The following KDM1B variants were observed in gnomAD, a reference collection of about 807,000 sequenced individuals.
The protein encoded by KDM1B is lysine-specific histone demethylase 2.
KDM1B carries 63 observed loss-of-function variants against 107.4 expected under a neutral mutation model. The observed-to-expected ratio is 0.59, with a 90% CI of 0.48 to 0.72. The LOEUF (loss-of-function observed/expected upper bound fraction) is 0.72, where lower values mean the gene tolerates loss of function less well. KDM1B is among the 30% of genes least tolerant of loss of function. The probability of loss-of-function intolerance (pLI) is 0.00; values close to 1 mark genes in which losing one functional copy is unlikely to be tolerated. For synonymous variants in KDM1B, 363 were observed against 363.9 expected (o/e 1.00, Z 0.03); for missense variants, 749 against 1,020.8 (o/e 0.73, Z 3.63).
chr6:18,192,121 G>A (rs1463005249), intron 10 of KDM1B, among the ~76,000 whole-genome samples: 2 of 152,032 alleles, frequency 1.3e-5, no homozygotes, highest in Non-Finnish European at 2.9e-5. Context: ...AATTAGCCAT[G>A]TGTGGTGGCA....
At chr6:18,164,486 T>A (rs1785166435) in intron 5 of KDM1B, among the ~76,000 whole-genome samples, 1 of 152,176 alleles carries the variant, frequency 6.6e-6, no homozygotes. Context: ...CATCTAACAT[T>A]GTTGTGGATT....
chr6:18,168,995 C>G (rs1785490407), intron 6 of KDM1B, among the ~76,000 whole-genome samples: 2 of 151,936 alleles, frequency 1.3e-5, no homozygotes, highest in South Asian at 4.1e-4. Context: ...CCTCTGCCAC[C>G]TGAGCAGCTG....
At chr6:18,192,355 T>A (rs1787333886) in intron 10 of KDM1B, among the ~76,000 whole-genome samples, 1 of 152,200 alleles carries the variant, frequency 6.6e-6, no homozygotes, top group African/African-American at 2.4e-5. Context: ...CAGAACATTG[T>A]GCAAGACTGC....
At chr6:18,164,844 C>G (rs928920473) in intron 5 of KDM1B, among the ~76,000 whole-genome samples, 2 of 151,962 alleles carry the variant, frequency 1.3e-5, no homozygotes, top group Non-Finnish European at 2.9e-5. Flanking sequence ...CTGGGTTTCC[C>G]CATGTTGGCC....
At chr6:18,219,612 T>G (rs1789521392) in intron 21 of KDM1B, among the ~76,000 whole-genome samples, 1 of 152,216 alleles carries the variant, frequency 6.6e-6, no homozygotes. Context: ...GCTTTTATGC[T>G]CCCTCCCTCC....
rs943281626 is a variant in KDM1B at position 18,213,452 on chromosome 6, C to G, written c.1984-204C>G. Among the ~76,000 whole-genome samples the G allele has an allele frequency of 6.6e-6, 1 of 150,906 alleles. No homozygotes were observed. Among genetic ancestry groups the G allele is most frequent in the African/African-American group, 2.4e-5 (1 of 41,068 alleles). ...ACTCCGTCTCAAAAAAAAAAAAAAC[C>G]CAAAAAACAAAACAAAACAAAAAAC... On this transcript the variant is annotated intron_variant, in intron 18 of 21. Transcript: ENST00000650836. The surrounding 1 kb of genome is among the most constrained non-coding windows in gnomAD (Gnocchi z 5.9).
intron 7 of KDM1B, among the ~76,000 whole-genome samples, chr6:18,171,729 T>A (rs1001289598): frequency 6.6e-6 from 1 of 152,076 alleles, no homozygotes; most frequent in Admixed American, 6.6e-5. Context: ...CCCAAGGAAA[T>A]CTCTTTGTAG....
Position 18,200,361 on chromosome 6 carries a change from C to T in KDM1B, c.1222-78C>T. 7.5e-7 allele frequency: 1 copy of T among 1,340,404 alleles called. No individual in the cohort carries two copies. Among genetic ancestry groups the T allele is most frequent in the African/African-American group, 1.5e-5 (1 of 68,176 alleles). The allele number at this position is 1,340,404 out of a possible 1,614,324, so 83.0% of individuals were successfully genotyped here. A position where few individuals can be genotyped will look rare whatever the true frequency, so the allele number is the denominator to read the frequency against. On this transcript the variant is annotated intron_variant, in intron 12 of 21. Transcript: ENST00000650836. The surrounding 1 kb of genome is among the most constrained non-coding windows in gnomAD (Gnocchi z 4.3). ...AAATATAGAGGCTATTTAACAGTGT[C>T]CTTCTACATTTTTATAATACTGTGT... is the stretch of plus-strand genomic sequence containing the variant.
chr6:18,202,336 G>T (rs1788090400), intron 14 of KDM1B, among the ~76,000 whole-genome samples: 1 of 151,796 alleles, frequency 6.6e-6, no homozygotes, highest in South Asian at 2.1e-4. Context: ...GGAGGTTAAG[G>T]TTCCAGTGAG....
intron 7 of KDM1B, among the ~76,000 whole-genome samples, chr6:18,183,447 A>G (rs775967999): frequency 6.6e-6 from 1 of 151,486 alleles, no homozygotes; most frequent in Non-Finnish European, 1.5e-5. Context: ...TTTAGTAGAG[A>G]CGGGGTTTCA....
rs1015054596 is a variant in KDM1B at position 18,172,864 on chromosome 6, C to T, written c.534+1385C>T. 2.6e-5 allele frequency among the ~76,000 whole-genome samples: 4 copies of T among 151,892 alleles called. No individual in the cohort carries two copies. The highest frequency in any genetic ancestry group is 6.6e-5 in the Admixed American group (1 of 15,226). On this transcript the variant is annotated intron_variant, in intron 7 of 21. Coordinates refer to ENST00000650836, the MANE Select transcript of KDM1B (RefSeq NM_001364614.2). The surrounding 1 kb of genome is among the most constrained non-coding windows in gnomAD (Gnocchi z 5.2). Reference sequence around the variant, plus strand: ...CAGCACTTTGGGAGGCCGAGATGGGCGGATCACCCGAGGTCAGGAGTTCAA... The same window carrying T: ...CAGCACTTTGGGAGGCCGAGATGGGTGGATCACCCGAGGTCAGGAGTTCAA...
rs758633041 is a variant in KDM1B, at chr6:18,191,784, G to A, written c.969+403G>A. 1.3e-5 allele frequency among the ~76,000 whole-genome samples: 2 copies of A among 152,126 alleles called. No individual in the cohort carries two copies. Among genetic ancestry groups the A allele is most frequent in the African/African-American group, 2.4e-5 (1 of 41,420 alleles). ...AATGGCAGGAGGGAAAAACATCAAA[G>A]ATTGAATTACATACAAATCCTTGAG... On this transcript the variant is annotated intron_variant, in intron 10 of 21. Transcript: ENST00000650836. This position sits in a 1 kb window ranked among gnomAD's most constrained non-coding sequence, Gnocchi z 5.1.
chr6:18,173,514 T>C (rs1785799041), intron 7 of KDM1B, among the ~76,000 whole-genome samples: 1 of 152,196 alleles, frequency 6.6e-6, no homozygotes, highest in Admixed American at 6.5e-5. Context: ...AAGTGTAGTT[T>C]ATTCACTTTT....
At chr6:18,164,008 A>T (rs1042181901) in intron 5 of KDM1B, among the ~76,000 whole-genome samples, 39 of 152,170 alleles carry the variant, frequency 2.6e-4, no homozygotes, top group Non-Finnish European at 3.8e-4. Flanking sequence ...ATTTACTCCT[A>T]CCTGATCTTT....
At chr6:18,178,202 C>T (rs1786165106) in intron 7 of KDM1B, among the ~76,000 whole-genome samples, 1 of 152,072 alleles carries the variant, frequency 6.6e-6, no homozygotes, top group Admixed American at 6.6e-5. Flanking sequence ...CCTGCCTCAG[C>T]CTCCTGAGTA....
At position 18,191,138 on chromosome 6, in the gene KDM1B, A is replaced by G. The variant is rs566386706; in HGVS notation, c.785-59A>G. The G allele has an allele frequency of 1.3e-3, 1,977 of 1,490,862 alleles. 4 individuals carry two copies. The highest frequency in any genetic ancestry group is 1.2e-3 in the South Asian group (99 of 79,316). 92.4% of individuals were successfully genotyped at this position (1,490,862 alleles called of 1,614,324 possible). On this transcript the variant is annotated intron_variant, in intron 9 of 21. Transcript: ENST00000650836. This position sits in a 1 kb window ranked among gnomAD's most constrained non-coding sequence, Gnocchi z 5.1. ...CTTTTTGGTTTGCTTTTGCCCTTTA[A>G]TTCTTCTGGATTTGGAAGTTACAGC...
chr6:18,214,948 C>G lies in KDM1B; in HGVS notation c.2110-59C>G, dbSNP rs755712557. On this transcript the variant is annotated intron_variant, in intron 19 of 21. Coordinates refer to ENST00000650836, the MANE Select transcript of KDM1B (RefSeq NM_001364614.2). The surrounding 1 kb of genome is among the most constrained non-coding windows in gnomAD (Gnocchi z 4.4). ...CAAAACAAAAAACAAAAAAAAGAGG[C>G]CCTTATCTGTGGGAGCTGAGCACTC... 7.1e-6 allele frequency: 11 copies of G among 1,552,266 alleles called. No homozygotes were observed. Among genetic ancestry groups the G allele is most frequent in the East Asian group, 2.3e-5 (1 of 44,036 alleles).
At chr6:18,158,795 A>G (rs1365480782) in intron 2 of KDM1B, among the ~76,000 whole-genome samples, 1 of 152,164 alleles carries the variant, frequency 6.6e-6, no homozygotes, top group Non-Finnish European at 1.5e-5. Context: ...TTTCTCTTGT[A>G]GACTTTGGTT....
rs927699716 is a variant in KDM1B, at chr6:18,186,023, A to G, written c.573+213A>G. Among the ~76,000 whole-genome samples the G allele has an allele frequency of 3.3e-5, 5 of 152,234 alleles. No homozygotes were observed. The highest frequency in any genetic ancestry group is 5.9e-5 in the Non-Finnish European group (4 of 68,028). ...CAACTTAAAAAATAAAAATAAAGTT[A>G]TGTTGCTTTTCATTAAAAGGAAACA... On this transcript the variant is annotated intron_variant, in intron 8 of 21. Transcript: ENST00000650836. The surrounding 1 kb of genome is among the most constrained non-coding windows in gnomAD (Gnocchi z 5.6).
Sources: gnomAD v4.1 joint callset for allele counts (sites outside exome capture counted in the v4.1 genomes callset) on GRCh38, gnomAD v4.1.1 for gene constraint, Gnocchi (gnomAD v3.1) non-coding constraint, MANE v1.5 for transcripts, NCBI Gene and HGNC (gene_info 2026-07-23, HGNC 2026-07-21) for gene names.